The following TIPRL variants were observed in gnomAD, a reference collection of about 807,000 sequenced individuals.
TIPRL encodes the protein TIP41-like protein.
In TIPRL, 10 loss-of-function variants were observed where a neutral mutation model predicts 32.3. That is an observed-to-expected ratio of 0.31 (90% CI 0.19 to 0.52). The LOEUF is 0.52. Ranked by LOEUF, TIPRL falls within the 20% of genes least tolerant of loss-of-function variation. The pLI is 0.96. For missense variants in TIPRL, 250 were observed against 328.1 expected, an observed-to-expected ratio of 0.76 and a Z score of 1.84; for synonymous variants, 100 against 114.0, an observed-to-expected ratio of 0.88 and a Z score of 0.78.
chr1:168,179,110 G>A lies in TIPRL; in HGVS notation c.33G>A (p.Arg11=). ...TCCACGGCTTCCAGAGCAGCCACCG[G>A]GATTTCTGCTTCGGGCCCTGGAAGC... MMIHGFQSSH[R]DFCFGPWKLT... Residue 11 remains arginine (R), a synonymous_variant, in exon 1 of 7, where the codon CGG becomes CGA. Coordinates refer to ENST00000367833, the MANE Select transcript of TIPRL (RefSeq NM_152902.5). 6.2e-7 allele frequency: 1 copy of A among 1,613,990 alleles called. No homozygotes were observed. Among genetic ancestry groups the A allele is most frequent in the South Asian group, 1.1e-5 (1 of 91,072 alleles).
rs1391639670 is a variant in TIPRL, at chr1:168,200,137, T to G, written c.*91T>G. The G allele has an allele frequency of 7.1e-7, 1 of 1,410,128 alleles. No homozygotes were observed. Among genetic ancestry groups the G allele is most frequent in the Non-Finnish European group, 9.6e-7 (1 of 1,046,374 alleles). The allele number at this position is 1,410,128 out of a possible 1,614,324, so 87.4% of individuals were successfully genotyped here. A position where few individuals can be genotyped will look rare whatever the true frequency, so the allele number is the denominator to read the frequency against. ...TTTTTATTATGAGAATTAATTGCCT[T>G]GTTTATGTACAGATTTTCTGTAGCC... On this transcript the variant is annotated 3_prime_UTR_variant, in exon 7 of 7. Coordinates refer to ENST00000367833, the MANE Select transcript of TIPRL (RefSeq NM_152902.5).
At position 168,179,021 on chromosome 1, in the gene TIPRL, C is replaced by G. The variant is rs1456599880; in HGVS notation, c.-57C>G. 1 of 1,485,414 alleles carries G rather than the reference C, an allele frequency of 6.7e-7. No homozygotes were observed. The highest frequency in any genetic ancestry group is 9.3e-7 in the Non-Finnish European group (1 of 1,080,836). 92.0% of individuals were successfully genotyped at this position (1,485,414 alleles called of 1,614,324 possible). On this transcript the variant is annotated 5_prime_UTR_variant, in exon 1 of 7. Coordinates refer to ENST00000367833, the MANE Select transcript of TIPRL (RefSeq NM_152902.5). Reference sequence around the variant, plus strand: ...GGAGGGAGGCGGAGGAACCGGTGTTCGCCGCCGCCGCTGCTTCAGCTTATT... The same window carrying G: ...GGAGGGAGGCGGAGGAACCGGTGTTGGCCGCCGCCGCTGCTTCAGCTTATT...
At chr1:168,189,740 A>T (rs1700069142) in intron 3 of TIPRL, among the ~76,000 whole-genome samples, 1 of 152,222 alleles carries the variant, frequency 6.6e-6, no homozygotes, top group African/African-American at 2.4e-5. Flanking sequence ...AAGAGAGCTG[A>T]AAAGTATAAA....
intron 1 of TIPRL, among the ~76,000 whole-genome samples, chr1:168,183,539 A>G (rs1210158194): frequency 6.6e-6 from 1 of 152,110 alleles, no homozygotes; most frequent in Non-Finnish European, 1.5e-5. Flanking sequence ...TGAGAATTTT[A>G]ATGGAAAAAT....
At chr1:168,185,760 ACT>A (rs1234900260) in intron 3 of TIPRL, among the ~76,000 whole-genome samples, 9 of 112,362 alleles carry the variant, frequency 8.0e-5, no homozygotes, top group Non-Finnish European at 1.4e-4. Flanking sequence ...ACAGAGTGAG[ACT>A]CTGTCTCAAA....
chr1:168,198,042 T>G (rs1011498148), intron 5 of TIPRL, among the ~76,000 whole-genome samples: 1 of 152,118 alleles, frequency 6.6e-6, no homozygotes, highest in African/African-American at 2.4e-5. Flanking sequence ...AAATTGTTTA[T>G]ATCCATATGG....
At chr1:168,187,086 C>T (rs1199542075) in intron 3 of TIPRL, among the ~76,000 whole-genome samples, 1 of 152,192 alleles carries the variant, frequency 6.6e-6, no homozygotes, top group African/African-American at 2.4e-5. Flanking sequence ...TGCTCTATGC[C>T]AGGCACTAAT....
intron 2 of TIPRL, among the ~76,000 whole-genome samples, 177 bp from the exon 3 acceptor site, chr1:168,184,599 TGAC>T (rs777278918): frequency 3.9e-5 from 6 of 152,204 alleles, no homozygotes; most frequent in Non-Finnish European, 7.3e-5. Flanking sequence ...CATCAGTACA[TGAC>T]AAGTTAAATA....
intron 6 of TIPRL, among the ~76,000 whole-genome samples, 154 bp from the exon 7 acceptor site, chr1:168,199,749 G>T (rs1344177039): frequency 6.6e-6 from 1 of 152,082 alleles, no homozygotes; most frequent in Non-Finnish European, 1.5e-5. Context: ...GAATGATTCC[G>T]TATCAAGAAA....
At chr1:168,189,570 T>A (rs1429983394) in intron 3 of TIPRL, among the ~76,000 whole-genome samples, 1 of 152,176 alleles carries the variant, frequency 6.6e-6, no homozygotes, top group Non-Finnish European at 1.5e-5. Context: ...GGTCTCAAAC[T>A]CCTGACCTCA....
intron 3 of TIPRL, among the ~76,000 whole-genome samples, chr1:168,190,367 G>A (rs1292068389): frequency 6.6e-6 from 1 of 152,130 alleles, no homozygotes; most frequent in Non-Finnish European, 1.5e-5. Context: ...TCTTTTCATG[G>A]CATCTTTTCC....
At chr1:168,186,982 GT>G (rs1315367083) in intron 3 of TIPRL, among the ~76,000 whole-genome samples, 2 of 152,196 alleles carry the variant, frequency 1.3e-5, no homozygotes, top group African/African-American at 4.8e-5. Context: ...GTTATCTTCA[GT>G]TTCTGCTATT....
At position 168,188,893 on chromosome 1, in the gene TIPRL, A is replaced by C. The variant is rs75597322; in HGVS notation, c.385-2476A>C. ...CTACTTGGGAGGCTGAGGCACAAGA[A>C]TTGGTTGAACCCAGGAGCTGGAGGT... On this transcript the variant is annotated intron_variant, in intron 3 of 6. Coordinates refer to ENST00000367833, the MANE Select transcript of TIPRL (RefSeq NM_152902.5). 5.1e-4 allele frequency among the ~76,000 whole-genome samples: 78 copies of C among 152,158 alleles called. No homozygotes were observed. The East Asian group carries it at 0.014, about 27-fold the overall frequency.
intron 4 of TIPRL, chr1:168,192,193 C>T: frequency 6.7e-7 from 1 of 1,481,824 alleles, no homozygotes. Context: ...ATTCAACTAC[C>T]ACTTCAATTT....
chr1:168,184,091 C>T lies in TIPRL; in HGVS notation c.284+10C>T, dbSNP rs755327906. ...AGTGGCAAGAAAGCAGGTGAGAATC[C>T]GGTCAATTAGGTTAAACAAAAAAGG... On this transcript the variant is annotated intron_variant, in intron 2 of 6. Coordinates refer to ENST00000367833, the MANE Select transcript of TIPRL (RefSeq NM_152902.5). The T allele has an allele frequency of 1.1e-5, 18 of 1,593,146 alleles. No homozygotes were observed. Among genetic ancestry groups the T allele is most frequent in the South Asian group, 2.3e-5 (2 of 88,794 alleles).
At chr1:168,182,976 C>T (rs1182533627) in intron 1 of TIPRL, among the ~76,000 whole-genome samples, 1 of 152,006 alleles carries the variant, frequency 6.6e-6, no homozygotes, top group African/African-American at 2.4e-5. Flanking sequence ...GTCCTGAAGA[C>T]CATTGTTAAC....
chr1:168,185,718 C>T (rs1476378431), intron 3 of TIPRL, among the ~76,000 whole-genome samples: 10 of 123,728 alleles, frequency 8.1e-5, no homozygotes, highest in East Asian at 7.3e-4. Flanking sequence ...TGCAGTGGGC[C>T]AAGATCGCGC....
chr1:168,183,977 G>A lies in TIPRL; in HGVS notation c.180G>A (p.Gly60=), dbSNP rs767284302. The A allele has an allele frequency of 2.5e-6, 4 of 1,614,118 alleles. No individual in the cohort carries two copies. The highest frequency in any genetic ancestry group is 3.4e-6 in the Non-Finnish European group (4 of 1,179,994). The change falls in exon 2 of 7, where the codon GGG becomes GGA. Residue 60 remains glycine, a synonymous_variant. Transcript: ENST00000367833. ...ACAACGTTTTAAGAATCCAGCATGG[G>A]TCTGGCTTTGGAATTGAGTTCAATG... is the stretch of plus-strand genomic sequence containing the variant. The part of the protein sequence containing the change: ...FGDNVLRIQH[G]SGFGIEFNAT...
At chr1:168,186,857 T>A (rs1232852230) in intron 3 of TIPRL, among the ~76,000 whole-genome samples, 4 of 152,206 alleles carry the variant, frequency 2.6e-5, no homozygotes, top group Non-Finnish European at 5.9e-5. Flanking sequence ...TGATATCATA[T>A]GTTGGTGCTT....
Sources: gnomAD v4.1 joint callset for allele counts (sites outside exome capture counted in the v4.1 genomes callset) on GRCh38, gnomAD v4.1.1 for gene constraint, MANE v1.5 for transcripts, NCBI Gene and HGNC (gene_info 2026-07-23, HGNC 2026-07-21) for gene names.